PCNX1: variants seen among roughly 807,000 people sequenced by gnomAD.
PCNX1 encodes pecanex-like protein 1.
Under a neutral mutation model 242.2 loss-of-function variants are expected in PCNX1, and 78 were observed. The observed-to-expected ratio is 0.32, with a 90% CI of 0.27 to 0.39. PCNX1 has a LOEUF of 0.39. PCNX1 is among the 10% of genes least tolerant of loss of function. PCNX1 has a pLI of 1.00. For missense variants in PCNX1, 2,581 were observed against 2,856.5 expected (o/e 0.90, Z 2.20); for synonymous variants, 1,024 against 1,032.9 (o/e 0.99, Z 0.17).
chr14:71,102,280 A>AC, intron 31 of PCNX1, 60 bp downstream of exon 31: 2 of 1,025,728 alleles, frequency 1.9e-6, no homozygotes, highest in Non-Finnish European at 2.8e-6. Flanking sequence ...TTGATCTAAA[A>AC]TTTTTTTTTT....
intron 19 of PCNX1, among the ~76,000 whole-genome samples, chr14:71,040,641 A>T (rs911983590): frequency 4.6e-5 from 7 of 152,136 alleles, no homozygotes; most frequent in Non-Finnish European, 5.9e-5. Flanking sequence ...ATTACATGGT[A>T]AATGGGGTAT....
At chr14:71,008,105 C>T (rs997598345) in intron 8 of PCNX1, among the ~76,000 whole-genome samples, 2 of 152,026 alleles carry the variant, frequency 1.3e-5, no homozygotes, top group African/African-American at 4.8e-5. Context: ...CAGAAAACAG[C>T]ATAACTTTTA....
chr14:71,045,662 G>A (rs1352060377), intron 20 of PCNX1, among the ~76,000 whole-genome samples: 1 of 152,092 alleles, frequency 6.6e-6, no homozygotes, highest in Non-Finnish European at 1.5e-5. Flanking sequence ...CTCTCTATTT[G>A]AAATAGTTTT....
chr14:70,955,984 A>G (rs891261883), intron 2 of PCNX1, among the ~76,000 whole-genome samples: 12 of 151,848 alleles, frequency 7.9e-5, no homozygotes, highest in African/African-American at 2.4e-4. Context: ...TTATTTCTCA[A>G]CTGGGGGTAA....
chr14:71,096,382 G>A (rs1460580818), intron 30 of PCNX1, among the ~76,000 whole-genome samples: 2 of 152,088 alleles, frequency 1.3e-5, no homozygotes, highest in Non-Finnish European at 2.9e-5. Context: ...AAGGTGAGAG[G>A]ATTGCTTGAG....
rs1420600965 is a variant in PCNX1, at chr14:71,076,385, A to G, written c.5303A>G (p.Asn1768Ser). The G allele has an allele frequency of 1.9e-6, 3 of 1,611,042 alleles. No homozygotes were observed. Among genetic ancestry groups the G allele is most frequent in the East Asian group, 2.2e-5 (1 of 44,870 alleles). ...SRESFCVIYL[N>S]WIEYCSSRRA... The stretch of plus-strand genomic sequence containing the variant: ...GAGAGTTTCTGTGTGATTTACCTCA[A>G]CTGGATAGAGTACTGCTCTTCCCGA... Residue 1768 changes from asparagine (N) to serine (S), a missense_variant, in exon 28 of 36, where the codon AAC becomes AGC. By Grantham distance (46) the Asn-to-Ser change is conservative (BLOSUM62 1). Coordinates refer to ENST00000304743, the MANE Select transcript of PCNX1 (RefSeq NM_014982.3).
rs78031988 is a variant in PCNX1, at chr14:70,933,103, G to C, written c.154-13812G>C. The stretch of plus-strand genomic sequence containing the variant: ...ATTAATTATAATTATTTTGCTTGGA[G>C]AGCAAGCTAGAGGAGCTGTTTTCAG... On this transcript the variant is annotated intron_variant, in intron 1 of 35. Coordinates refer to ENST00000304743, the MANE Select transcript of PCNX1 (RefSeq NM_014982.3). Among the ~76,000 whole-genome samples the C allele has an allele frequency of 3.4e-3, 519 of 152,328 alleles. 2 individuals are homozygous for C. Among genetic ancestry groups the C allele is most frequent in the Middle Eastern group, 6.8e-3 (2 of 294 alleles).
At chr14:70,959,294 A>G (rs2058114837) in intron 2 of PCNX1, among the ~76,000 whole-genome samples, 1 of 150,076 alleles carries the variant, frequency 6.7e-6, no homozygotes, top group Non-Finnish European at 1.5e-5. Context: ...TTAGTTACAT[A>G]TGTATACACA....
chr14:70,951,161 TC>T (rs1448976794), intron 2 of PCNX1, among the ~76,000 whole-genome samples: 1 of 152,028 alleles, frequency 6.6e-6, no homozygotes, highest in African/African-American at 2.4e-5. Flanking sequence ...ACAAATTTTT[TC>T]CCTGTAAATT....
chr14:71,103,997 A>G (rs2062536816), intron 32 of PCNX1, among the ~76,000 whole-genome samples: 1 of 152,256 alleles, frequency 6.6e-6, no homozygotes, highest in South Asian at 2.1e-4. Flanking sequence ...TACAAACGGG[A>G]AGTTAAGAGA....
intron 32 of PCNX1, 24 bp from the exon 33 acceptor site, chr14:71,105,211 T>C: frequency 6.4e-7 from 1 of 1,573,472 alleles, no homozygotes; most frequent in Non-Finnish European, 8.7e-7. Context: ...GAATAATGCT[T>C]CCTACTCTGG....
At chr14:71,082,108 A>T (rs1358433075) in intron 28 of PCNX1, among the ~76,000 whole-genome samples, 1 of 151,902 alleles carries the variant, frequency 6.6e-6, no homozygotes, top group Non-Finnish European at 1.5e-5. Context: ...CCTTGATTTC[A>T]TTATTTACCC....
intron 19 of PCNX1, among the ~76,000 whole-genome samples, chr14:71,036,962 C>T (rs141406742): frequency 8.8e-4 from 133 of 151,958 alleles, no homozygotes; most frequent in African/African-American, 2.9e-3. Context: ...CTTTTATTTC[C>T]TTGAGCAGCG....
intron 3 of PCNX1, 95 bp downstream of exon 3, chr14:70,962,426 T>C (rs778437881): frequency 2.9e-6 from 2 of 678,846 alleles, no homozygotes; most frequent in African/African-American, 3.6e-5. Context: ...TGTTTTGTCA[T>C]ATCTTTCTGA....
Position 71,089,376 on chromosome 14 carries a change from G to C in PCNX1, c.5589+34G>C, listed in dbSNP as rs374767214. On this transcript the variant is annotated intron_variant, in intron 30 of 35. Coordinates refer to ENST00000304743, the MANE Select transcript of PCNX1 (RefSeq NM_014982.3). Reference sequence around the variant, plus strand: ...ATGAGATTTTTCTAATTCATTACTGGTGTTTACTGATCCTTCTTCACATGA... The same window carrying C: ...ATGAGATTTTTCTAATTCATTACTGCTGTTTACTGATCCTTCTTCACATGA... 2.7e-6 allele frequency: 4 copies of C among 1,505,242 alleles called. No homozygotes were observed. The African/African-American group carries it at 5.5e-5, about 21-fold the overall frequency. The allele number at this position is 1,505,242 out of a possible 1,614,324, so 93.2% of individuals were successfully genotyped here.
intron 31 of PCNX1, 42 bp downstream of exon 31, chr14:71,102,262 T>C: frequency 6.7e-7 from 1 of 1,481,502 alleles, no homozygotes; most frequent in Non-Finnish European, 9.4e-7. Flanking sequence ...ACATAGAAGT[T>C]GAATAACTTG....
At chr14:71,029,538 TAAC>T (rs2060325424) in intron 16 of PCNX1, among the ~76,000 whole-genome samples, 2 of 152,188 alleles carry the variant, frequency 1.3e-5, no homozygotes, top group African/African-American at 4.8e-5. Flanking sequence ...TAGCTATGAT[TAAC>T]AAGTCAGCCA....
intron 5 of PCNX1, 40 bp from the exon 6 acceptor site, chr14:70,976,902 T>C: frequency 1.3e-6 from 2 of 1,553,214 alleles, no homozygotes; most frequent in Non-Finnish European, 1.8e-6. Context: ...AAGCAGATCA[T>C]ACATTTATTT....
intron 5 of PCNX1, among the ~76,000 whole-genome samples, chr14:70,972,027 G>A (rs1452049251): frequency 1.3e-5 from 2 of 152,214 alleles, no homozygotes; most frequent in East Asian, 3.9e-4. Context: ...AAAAGTTGAA[G>A]CAGGGACCTC....
Sources: allele counts gnomAD v4.1 joint callset (sites outside exome capture counted in the v4.1 genomes callset), GRCh38; gene constraint gnomAD v4.1.1; transcripts MANE v1.5; gene names NCBI Gene and HGNC (gene_info 2026-07-23, HGNC 2026-07-21).